The following ROR1 variants were observed in gnomAD, a reference collection of about 807,000 sequenced individuals.
ROR1 encodes ROR family WNT receptor 1.
In ROR1, 19 loss-of-function variants were observed where a neutral mutation model predicts 78.8. The ratio of observed to expected loss-of-function variants is 0.24; its 90% CI spans 0.17 to 0.35. The LOEUF (loss-of-function observed/expected upper bound fraction) is 0.35, where lower values mean the gene tolerates loss of function less well. Among genes scored for constraint, ROR1 ranks in the 10% least tolerant of loss-of-function variants. The probability of loss-of-function intolerance (pLI) is 1.00; values close to 1 mark genes in which losing one functional copy is unlikely to be tolerated. For missense variants in ROR1, 917 were observed against 1,177.8 expected (o/e 0.78, Z 3.24); for synonymous variants, 386 against 433.6 (o/e 0.89, Z 1.36).
intron 1 of ROR1, among the ~76,000 whole-genome samples, chr1:63,889,605 A>T (rs557995989): frequency 6.6e-6 from 1 of 152,178 alleles, no homozygotes; most frequent in Admixed American, 6.5e-5. Flanking sequence ...TTGCTCACAG[A>T]TACCTATCTT....
intron 8 of ROR1, among the ~76,000 whole-genome samples, chr1:64,171,923 C>T (rs1335860584): frequency 6.6e-6 from 1 of 152,164 alleles, no homozygotes; most frequent in Non-Finnish European, 1.5e-5. Context: ...GTAATCACTT[C>T]CTTAAAGTAA....
rs565155761 is a variant in ROR1, at chr1:63,853,571, G to T, written c.91+79063G>T. Among the ~76,000 whole-genome samples, 161 of 152,278 alleles carry T rather than the reference G, an allele frequency of 1.1e-3. 1 individual carries two copies. Among genetic ancestry groups the T allele is most frequent in the African/African-American group, 3.7e-3 (153 of 41,544 alleles). ...AAACATGTCTGATCTCAAGCATTTT[G>T]GGTAAGGGATACTCAACCTGTATCT... is the stretch of plus-strand genomic sequence containing the variant. On this transcript the variant is annotated intron_variant, in intron 1 of 8. Coordinates refer to ENST00000371079, the MANE Select transcript of ROR1 (RefSeq NM_005012.4).
intron 1 of ROR1, among the ~76,000 whole-genome samples, chr1:63,936,639 C>A (rs1645796325): frequency 6.6e-6 from 1 of 152,162 alleles, no homozygotes; most frequent in Admixed American, 6.5e-5. Flanking sequence ...ATTCAAGTCA[C>A]ACACCACACA....
chr1:63,992,200 TA>T (rs1646302062), intron 1 of ROR1, among the ~76,000 whole-genome samples: 1 of 150,724 alleles, frequency 6.6e-6, no homozygotes, highest in Non-Finnish European at 1.5e-5. Flanking sequence ...ATTATTATTA[TA>T]TTTATTTATT....
intron 7 of ROR1, among the ~76,000 whole-genome samples, chr1:64,144,665 G>T (rs1649427900): frequency 6.6e-6 from 1 of 152,172 alleles, no homozygotes; most frequent in Non-Finnish European, 1.5e-5. Context: ...TAAGAGGTTT[G>T]CTCAAAGACA....
At chr1:64,019,571 T>G (rs1456005409) in intron 2 of ROR1, among the ~76,000 whole-genome samples, 1 of 152,238 alleles carries the variant, frequency 6.6e-6, no homozygotes, top group African/African-American at 2.4e-5. Context: ...ACTCCATCAC[T>G]TGTTCCTTAT....
intron 1 of ROR1, among the ~76,000 whole-genome samples, chr1:63,804,159 G>A (rs776357124): frequency 1.4e-4 from 21 of 152,248 alleles, no homozygotes; most frequent in Middle Eastern, 3.4e-3. Context: ...CTGTGGCTGT[G>A]AAGGAGGATC....
intron 2 of ROR1, among the ~76,000 whole-genome samples, chr1:64,014,773 T>TATATATATATATATAC (rs71056017): frequency 2.1e-5 from 1 of 47,012 alleles, no homozygotes; most frequent in African/African-American, 5.5e-5. Context: ...TATATATATA[T>TATATATATATATATAC]ACACATTTTG....
intron 4 of ROR1, among the ~76,000 whole-genome samples, chr1:64,127,885 G>A (rs1343492047): frequency 6.6e-6 from 1 of 152,074 alleles, no homozygotes; most frequent in Non-Finnish European, 1.5e-5. Context: ...CCCAAGAACG[G>A]CCAGATGGCT....
intron 1 of ROR1, among the ~76,000 whole-genome samples, chr1:63,885,883 TGATCCAA>T (rs1268257682): frequency 6.6e-6 from 1 of 152,194 alleles, no homozygotes; most frequent in African/African-American, 2.4e-5. Flanking sequence ...GCTTTTGGAA[TGATCCAA>T]GCACATTACG....
At chr1:63,994,520 C>T (rs1646322044) in intron 1 of ROR1, among the ~76,000 whole-genome samples, 1 of 152,092 alleles carries the variant, frequency 6.6e-6, no homozygotes, top group African/African-American at 2.4e-5. Flanking sequence ...CTTCACACTA[C>T]AAGGACCTTG....
At chr1:63,991,742 G>A (rs1646297888) in intron 1 of ROR1, among the ~76,000 whole-genome samples, 1 of 152,128 alleles carries the variant, frequency 6.6e-6, no homozygotes, top group Admixed American at 6.6e-5. Flanking sequence ...AATGCTGTTG[G>A]GTTTCTTTAA....
chr1:63,993,595 C>T (rs938437723), intron 1 of ROR1, among the ~76,000 whole-genome samples: 1 of 152,152 alleles, frequency 6.6e-6, no homozygotes, highest in Non-Finnish European at 1.5e-5. Context: ...TTTGTTTTTG[C>T]ATAAATTATA....
intron 1 of ROR1, among the ~76,000 whole-genome samples, chr1:63,980,813 G>A (rs553080008): frequency 1.3e-5 from 2 of 152,320 alleles, no homozygotes; most frequent in East Asian, 3.9e-4. Context: ...TGTGTAAAAG[G>A]GCCAAGGAGC....
chr1:63,796,915 G>A (rs1405297119), intron 1 of ROR1, among the ~76,000 whole-genome samples: 3 of 152,066 alleles, frequency 2.0e-5, no homozygotes, highest in African/African-American at 4.8e-5. Context: ...CAACATCATC[G>A]GTGATGAGAA....
chr1:63,954,735 A>G (rs1048994037), intron 1 of ROR1, among the ~76,000 whole-genome samples: 1 of 152,244 alleles, frequency 6.6e-6, no homozygotes, highest in Non-Finnish European at 1.5e-5. Flanking sequence ...TATTATAAGT[A>G]ACCTGGAGAT....
At chr1:64,163,687 C>T (rs1403199446) in intron 8 of ROR1, among the ~76,000 whole-genome samples, 1 of 152,170 alleles carries the variant, frequency 6.6e-6, no homozygotes, top group Non-Finnish European at 1.5e-5. Context: ...CTCCGTTTTC[C>T]TTTCCAGCCA....
intron 4 of ROR1, among the ~76,000 whole-genome samples, chr1:64,053,113 A>G (rs1315182051): frequency 6.6e-6 from 1 of 152,220 alleles, no homozygotes. Flanking sequence ...GTACACTACT[A>G]TTTCCAAAAG....
chr1:63,843,521 C>T, intron 1 of ROR1: 3 of 756,720 alleles, frequency 4.0e-6, no homozygotes, highest in South Asian at 1.3e-5. Flanking sequence ...CATCGCCCAC[C>T]AGGATCTTCT....
Sources: gnomAD v4.1 joint callset for allele counts (sites outside exome capture counted in the v4.1 genomes callset) on GRCh38, gnomAD v4.1.1 for gene constraint, MANE v1.5 for transcripts, NCBI Gene and HGNC (gene_info 2026-07-23, HGNC 2026-07-21) for gene names.